Variants in DTD1 observed in about 807,000 individuals in gnomAD.
DTD1 encodes the protein D-aminoacyl-tRNA deacylase 1.
A neutral mutation model predicts 25.6 loss-of-function variants in DTD1; 13 were observed. The ratio of observed to expected loss-of-function variants is 0.51; its 90% CI spans 0.33 to 0.81. The LOEUF is 0.81. Ranked by LOEUF, DTD1 falls within the 30% of genes least tolerant of loss-of-function variation. DTD1 has a pLI of 0.02. For synonymous variants in DTD1, 110 were observed against 103.6 expected (o/e 1.06, Z -0.37); for missense variants, 193 against 266.4 (o/e 0.72, Z 1.92).
chr20:18,630,680 T>A (rs1308342800), intron 4 of DTD1: 2 of 152,172 alleles, frequency 1.3e-5, no homozygotes, highest in African/African-American at 4.8e-5. Flanking sequence ...CTAGGTTTTT[T>A]AAATGTCTTT....
At chr20:18,759,519 T>C (rs2061352828) in intron 5 of DTD1, among the ~76,000 whole-genome samples, 1 of 152,202 alleles carries the variant, frequency 6.6e-6, no homozygotes, top group Admixed American at 6.5e-5. Context: ...GATATGAAAT[T>C]CTGAGTTGAA....
chr20:18,714,833 C>G (rs1230800013), intron 4 of DTD1, among the ~76,000 whole-genome samples: 1 of 152,206 alleles, frequency 6.6e-6, no homozygotes, highest in Non-Finnish European at 1.5e-5. Flanking sequence ...AGATTTCTTT[C>G]AATAGGTGAT....
At chr20:18,661,424 T>C (rs573619347) in intron 4 of DTD1, among the ~76,000 whole-genome samples, 1 of 141,716 alleles carries the variant, frequency 7.1e-6, no homozygotes, top group South Asian at 2.2e-4. Flanking sequence ...CAGGCTAGAG[T>C]GCAGTGGTGC....
At chr20:18,657,655 A>G (rs1388767175) in intron 4 of DTD1, among the ~76,000 whole-genome samples, 1 of 152,242 alleles carries the variant, frequency 6.6e-6, no homozygotes, top group African/African-American at 2.4e-5. Context: ...AGAAATACAG[A>G]TATGTCTATT....
chr20:18,747,248 C>T (rs750867043), intron 5 of DTD1, among the ~76,000 whole-genome samples: 36 of 152,184 alleles, frequency 2.4e-4, no homozygotes, highest in Admixed American at 1.2e-3. Context: ...TCTTTCCATC[C>T]TGCTAACTTT....
intron 4 of DTD1, among the ~76,000 whole-genome samples, chr20:18,740,209 A>C (rs1006952156): frequency 6.6e-6 from 1 of 151,710 alleles, no homozygotes; most frequent in Non-Finnish European, 1.5e-5. Flanking sequence ...AAGAGTACAA[A>C]GTGAAGAACA....
chr20:18,641,864 C>T (rs998416425), intron 4 of DTD1, among the ~76,000 whole-genome samples: 7 of 152,128 alleles, frequency 4.6e-5, no homozygotes, highest in African/African-American at 1.7e-4. Context: ...GTTTTTAATT[C>T]TGATGAAATC....
At chr20:18,599,080 GTTTA>G (rs1236539594) in intron 3 of DTD1, among the ~76,000 whole-genome samples, 3 of 152,120 alleles carry the variant, frequency 2.0e-5, no homozygotes, top group Non-Finnish European at 2.9e-5. Flanking sequence ...AGATACCACA[GTTTA>G]TTTATTCACT....
chr20:18,760,374 C>G (rs555945440), intron 5 of DTD1, among the ~76,000 whole-genome samples: 1 of 152,046 alleles, frequency 6.6e-6, no homozygotes, highest in Non-Finnish European at 1.5e-5. Context: ...TTTTATCTAC[C>G]TTTGGTCTTT....
intron 3 of DTD1, among the ~76,000 whole-genome samples, chr20:18,627,278 G>A (rs2060763444): frequency 6.6e-6 from 1 of 152,210 alleles, no homozygotes; most frequent in Admixed American, 6.5e-5. Context: ...GAATTTGTGA[G>A]GTTGTGGTGG....
intron 4 of DTD1, among the ~76,000 whole-genome samples, chr20:18,664,053 A>G (rs768310377): frequency 6.6e-6 from 1 of 152,234 alleles, no homozygotes; most frequent in Non-Finnish European, 1.5e-5. Flanking sequence ...GCTACACCAC[A>G]TAGCTTAGGT....
At chr20:18,666,810 T>G (rs1414080110) in intron 4 of DTD1, among the ~76,000 whole-genome samples, 1 of 152,230 alleles carries the variant, frequency 6.6e-6, no homozygotes, top group Non-Finnish European at 1.5e-5. Flanking sequence ...AATCAGTTTA[T>G]GTGTGTGTTT....
At chr20:18,725,012 C>T (rs1406773449) in intron 4 of DTD1, among the ~76,000 whole-genome samples, 1 of 152,206 alleles carries the variant, frequency 6.6e-6, no homozygotes. Flanking sequence ...AGGAAAGAAC[C>T]CTGGTGAGCT....
chr20:18,746,526 C>T lies in DTD1; in HGVS notation c.*19+2255C>T, dbSNP rs564846259. On this transcript the variant is annotated intron_variant, in intron 5 of 5. Transcript: ENST00000377452. ...CAGCCTGGGCAACATGGTGAGACCC[C>T]CGTCTCTTAAAAAAAAAAATTAGCT... 2.7e-3 allele frequency among the ~76,000 whole-genome samples: 372 copies of T among 137,456 alleles called. 7 individuals carry two copies. Among genetic ancestry groups the T allele is most frequent in the Admixed American group, 0.022 (305 of 13,782 alleles). The allele number at this position is 137,456 out of a possible 152,430, so 90.2% of individuals were successfully genotyped here. A position where few individuals can be genotyped will look rare whatever the true frequency, so the allele number is the denominator to read the frequency against.
chr20:18,621,695 G>C (rs934607221), intron 3 of DTD1, among the ~76,000 whole-genome samples: 7 of 152,098 alleles, frequency 4.6e-5, no homozygotes, highest in Non-Finnish European at 1.0e-4. Flanking sequence ...TAAAATGGCT[G>C]GGTGAATCTC....
intron 4 of DTD1, among the ~76,000 whole-genome samples, chr20:18,695,493 T>TCCTTC (rs2061070327): frequency 1.1e-5 from 1 of 88,952 alleles, no homozygotes; most frequent in African/African-American, 4.2e-5. Flanking sequence ...TCCCTTCCTT[T>TCCTTC]CCTTTCCCTT....
intron 4 of DTD1, chr20:18,643,286 TGTTGAGAGTGCGTA>T: frequency 5.9e-6 from 2 of 340,526 alleles, no homozygotes; most frequent in South Asian, 2.6e-5. Flanking sequence ...ATAAATGCCT[TGTTGAGAGTGCGTA>T]GTTGAGAGGT....
chr20:18,588,901 T>A (rs993986050), intron 1 of DTD1: 51 of 979,054 alleles, frequency 5.2e-5, no homozygotes, highest in East Asian at 1.1e-4. Context: ...AGATATTTTT[T>A]AAAAAACATT....
At chr20:18,709,684 G>A (rs1376058742) in intron 4 of DTD1, among the ~76,000 whole-genome samples, 3 of 152,154 alleles carry the variant, frequency 2.0e-5, no homozygotes, top group African/African-American at 4.8e-5. Context: ...TTGAATTTGT[G>A]TAAATTAGAT....
Sources: gnomAD v4.1 joint callset for allele counts (sites outside exome capture counted in the v4.1 genomes callset) on GRCh38, gnomAD v4.1.1 for gene constraint, MANE v1.5 for transcripts, NCBI Gene and HGNC (gene_info 2026-07-23, HGNC 2026-07-21) for gene names.